The following C9orf72 variants were observed in gnomAD, a reference collection of about 807,000 sequenced individuals.
C9orf72 encodes the protein guanine nucleotide exchange factor C9orf72.
C9orf72 carries 44 observed loss-of-function variants against 51.6 expected under a neutral mutation model. The ratio of observed to expected loss-of-function variants is 0.85; its 90% confidence interval spans 0.67 to 1.10. C9orf72 has a LOEUF of 1.10. Ranked by LOEUF, C9orf72 falls within the 50% of genes least tolerant of loss-of-function variation. The pLI, the probability that C9orf72 is intolerant of heterozygous loss-of-function variation, is 0.00. For synonymous variants in C9orf72, 213 were observed against 194.2 expected, an observed-to-expected ratio of 1.10 and a Z score of -0.81; for missense variants, 607 against 570.6, an observed-to-expected ratio of 1.06 and a Z score of -0.65.
chr9:27,552,512 C>G (rs1430363861), intron 8 of C9orf72, among the ~76,000 whole-genome samples: 1 of 111,738 alleles, frequency 8.9e-6, no homozygotes, highest in East Asian at 3.4e-4. Context: ...CCATACCAAG[C>G]TAATTTTTTT....
At chr9:27,566,585 G>A (rs1587318225) in intron 2 of C9orf72, 92 bp downstream of exon 2, 1 of 828,638 alleles carries the variant, frequency 1.2e-6, no homozygotes, top group East Asian at 2.7e-5. Context: ...GATGTTCACT[G>A]CATATAATTA....
chr9:27,549,633 T>A (rs997703924), intron 9 of C9orf72, among the ~76,000 whole-genome samples: 1 of 152,220 alleles, frequency 6.6e-6, no homozygotes, highest in Non-Finnish European at 1.5e-5. Flanking sequence ...ATAAGTTCCA[T>A]ATAATCTACG....
At chr9:27,554,744 T>C (rs1407677323) in intron 8 of C9orf72, 1 of 395,534 alleles carries the variant, frequency 2.5e-6, no homozygotes, top group African/African-American at 2.1e-5. Context: ...TGTAAAAACA[T>C]ATACTTAAAA....
At position 27,567,021 on chromosome 9, in the gene C9orf72, C is replaced by T; in HGVS notation, c.100G>A (p.Asp34Asn). 1 of 1,614,016 alleles carries T rather than the reference C, an allele frequency of 6.2e-7. No homozygotes were observed. The highest frequency in any genetic ancestry group is 8.5e-7 in the Non-Finnish European group (1 of 1,179,896). Residue 34 changes from aspartate to asparagine, a missense_variant, in exon 2 of 11, where the codon GAC (aspartate) becomes AAC (asparagine). Physicochemically the swap from Asp to Asn is conservative, Grantham distance 23. Transcript: ENST00000380003. ...PLLAATFAYWDNILGPRVRHI... is the reference protein window; with the variant it reads ...PLLAATFAYWNNILGPRVRHI... ...CTTACTCTAGGACCAAGAATATTGT[C>T]CCAGTAAGCAAAAGTAGCTGCTAAT... is the stretch of plus-strand genomic sequence containing the variant.
intron 1 of C9orf72, among the ~76,000 whole-genome samples, chr9:27,572,891 C>G (rs1819618527): frequency 6.6e-6 from 1 of 152,198 alleles, no homozygotes; most frequent in Admixed American, 6.5e-5. Flanking sequence ...GCATTGCTGC[C>G]CTCATATGCA....
chr9:27,548,457 A>C, intron 10 of C9orf72, 35 bp from the exon 11 acceptor site: 2 of 1,361,298 alleles, frequency 1.5e-6, no homozygotes, highest in Non-Finnish European at 2.0e-6. Flanking sequence ...AAAAAAAAAA[A>C]AAAAGAAGCG....
At position 27,554,756 on chromosome 9, in the gene C9orf72, TA is replaced by T. The variant is rs1820975639; in HGVS notation, c.1091+1804del. The T allele has an allele frequency of 7.6e-6, 3 of 394,442 alleles. No individual in the cohort carries two copies. In the South Asian group the frequency reaches 4.2e-4, roughly 55 times the overall value. The allele number at this position is 394,442 out of a possible 1,614,324, so 24.4% of individuals were successfully genotyped here. ...ACATGTAAAAACATATACTTAAAAG[TA>T]AAATGACTCTGTGACAATAGACTTA... On this transcript the variant is annotated intron_variant, in intron 8 of 10. Coordinates refer to ENST00000380003, the MANE Select transcript of C9orf72 (RefSeq NM_018325.5).
intron 7 of C9orf72, 79 bp downstream of exon 7, chr9:27,558,412 A>G (rs1819260400): frequency 1.3e-6 from 1 of 787,216 alleles, no homozygotes; most frequent in African/African-American, 1.7e-5. Flanking sequence ...TTAAATGCTA[A>G]TATTTAAGAT....
At chr9:27,551,409 G>A (rs950712925) in intron 8 of C9orf72, among the ~76,000 whole-genome samples, 1 of 152,142 alleles carries the variant, frequency 6.6e-6, no homozygotes, top group Non-Finnish European at 1.5e-5. Flanking sequence ...CCCTTCCCAG[G>A]CCCCACCTCC....
Position 27,546,648 on chromosome 9 carries a change from T to C in C9orf72, c.*1588A>G, listed in dbSNP as rs1820774954. 1 of 152,214 alleles carries C rather than the reference T, an allele frequency of 6.6e-6. No homozygotes were observed. The highest frequency in any genetic ancestry group is 6.5e-5 in the Admixed American group (1 of 15,278). The allele number at this position is 152,214 out of a possible 1,614,324, so 9.4% of individuals were successfully genotyped here. ...AACTTATTTCACTGTACAACTTACATTCTGTATAACAGTACAATAAACCAG... is the reference window on the plus strand; with the variant it reads ...AACTTATTTCACTGTACAACTTACACTCTGTATAACAGTACAATAAACCAG... On this transcript the variant is annotated 3_prime_UTR_variant, in exon 11 of 11. Transcript: ENST00000380003.
intron 6 of C9orf72, chr9:27,558,990 G>A (rs1819275081): frequency 1.3e-5 from 2 of 154,680 alleles, no homozygotes; most frequent in African/African-American, 4.8e-5. Context: ...AGAATGTCCA[G>A]ATCCTCCAAA....
chr9:27,566,842 A>C lies in C9orf72; in HGVS notation c.279T>G (p.Ile93Met). 6.2e-7 allele frequency: 1 copy of C among 1,614,004 alleles called. No individual in the cohort carries two copies. The highest frequency in any genetic ancestry group is 8.5e-7 in the Non-Finnish European group (1 of 1,179,938). The change falls in exon 2 of 11, where the codon ATT (isoleucine) becomes ATG (methionine). Residue 93 changes from isoleucine (I) to methionine (M), a missense_variant. By Grantham distance (10) the Ile-to-Met change is conservative. Coordinates refer to ENST00000380003, the MANE Select transcript of C9orf72 (RefSeq NM_018325.5). The stretch of plus-strand genomic sequence containing the variant: ...TTCCATCAAAGATTAATGAAACAAT[A>C]ATCACTCCCTTTTCAGACAAGACAA... Reference protein sequence around the residue: ...KFFVLSEKGVIIVSLIFDGNW... With the variant: ...KFFVLSEKGVMIVSLIFDGNW...
In C9orf72 at chr9:27,548,648, CA is replaced by C; in HGVS notation, c.1167del (p.Gly390AlafsTer21). The C allele has an allele frequency of 1.2e-6, 2 of 1,609,132 alleles. No homozygotes were observed. The highest frequency in any genetic ancestry group is 1.7e-6 in the Non-Finnish European group (2 of 1,175,674). ...AFLDQVFQLK[P>X]GLSLRSTFLA... ...AGGAAAGTACTTCTGAGAGATAAGC[CA>C]GGTTTCAGCTGAAAGACCTGCAGGG... On this transcript the variant is annotated frameshift_variant, in exon 10 of 11. Coordinates refer to ENST00000380003, the MANE Select transcript of C9orf72 (RefSeq NM_018325.5). LOFTEE classifies it high-confidence loss of function.
intron 1 of C9orf72, 148 bp downstream of exon 1, chr9:27,573,282 GA>G: frequency 5.7e-6 from 1 of 175,082 alleles, no homozygotes; most frequent in South Asian, 1.0e-4. Flanking sequence ...CGCTAGAGGC[GA>G]AAGCCCGACA....
chr9:27,548,729 T>C lies in C9orf72; in HGVS notation c.1150-63A>G, dbSNP rs1587297064. 7 of 929,056 alleles carry C rather than the reference T, an allele frequency of 7.5e-6. No individual in the cohort carries two copies. The East Asian group carries it at 1.2e-4, about 16-fold the overall frequency. 57.6% of individuals were successfully genotyped at this position (929,056 alleles called of 1,614,324 possible). A position where few individuals can be genotyped will look rare whatever the true frequency, so the allele number is the denominator to read the frequency against. On this transcript the variant is annotated intron_variant, in intron 9 of 10. Transcript: ENST00000380003. ...CACATTCTACTCGTACAGAAGTTTC[T>C]ATGACAGTGTTGACAGTGCTTGGCA...
At chr9:27,556,121 T>C (rs1819189185) in intron 8 of C9orf72, among the ~76,000 whole-genome samples, 1 of 152,096 alleles carries the variant, frequency 6.6e-6, no homozygotes, top group South Asian at 2.1e-4. Flanking sequence ...TTAATATATT[T>C]TAACAGTTTT....
chr9:27,573,578 T>C, upstream of C9orf72: 1 of 122,526 alleles, frequency 8.2e-6, no homozygotes, highest in South Asian at 2.4e-4. Flanking sequence ...CAGAGCTTGC[T>C]ACAGGCTGCG....
Position 27,560,229 on chromosome 9 carries a change from T to G in C9orf72, c.736A>C (p.Lys246Gln). The change falls in exon 6 of 11, where the codon AAG (lysine) becomes CAG (glutamine). Residue 246 changes from lysine to glutamine, a missense_variant and splice_region_variant. Transcript: ENST00000380003. Reference protein sequence around the residue: ...VVGSSAEKVNKIVRTLCLFLT... With the variant: ...VVGSSAEKVNQIVRTLCLFLT... ...TGCTAGATTATAAAATAAACTACCT[T>G]ATTTACTTTCTCTGCACTGCTACCT... The G allele has an allele frequency of 6.3e-7, 1 of 1,596,596 alleles. No individual in the cohort carries two copies. The highest frequency in any genetic ancestry group is 8.6e-7 in the Non-Finnish European group (1 of 1,168,510).
chr9:27,550,897 C>T (rs1359032511), intron 8 of C9orf72, among the ~76,000 whole-genome samples, 190 bp from the exon 9 acceptor site: 1 of 152,020 alleles, frequency 6.6e-6, no homozygotes, highest in Non-Finnish European at 1.5e-5. Flanking sequence ...CATTTATTTA[C>T]TCAAGGATAT....
Sources: allele counts gnomAD v4.1 joint callset (sites outside exome capture counted in the v4.1 genomes callset), GRCh38; gene constraint gnomAD v4.1.1; transcripts MANE v1.5; gene names NCBI Gene and HGNC (gene_info 2026-07-23, HGNC 2026-07-21).